Variants in GCN1 observed in about 807,000 individuals in gnomAD.
GCN1 encodes the protein stalled ribosome sensor GCN1.
In GCN1, 90 loss-of-function variants were observed where a neutral mutation model predicts 288.4. That is an observed-to-expected ratio of 0.31 (90% CI 0.26 to 0.37). The LOEUF (loss-of-function observed/expected upper bound fraction) is 0.37, where lower values mean the gene tolerates loss of function less well. Ranked by LOEUF, GCN1 falls within the 10% of genes least tolerant of loss-of-function variation. The pLI is 1.00. For synonymous variants in GCN1, 1,386 were observed against 1,420.2 expected (o/e 0.98, Z 0.54); for missense variants, 2,586 against 3,419.9 (o/e 0.76, Z 6.08).
chr12:120,127,669 G>T lies in GCN1; in HGVS notation c.*180C>A, dbSNP rs11554738. On this transcript the variant is annotated 3_prime_UTR_variant, in exon 58 of 58. Coordinates refer to ENST00000300648, the MANE Select transcript of GCN1 (RefSeq NM_006836.2). ...TCTCCACAGGAAAAGGTGAGAGATG[G>T]AGGAGGCAATTTTCAGTTGTGTGTG... 1 of 698,486 alleles carries T rather than the reference G, an allele frequency of 1.4e-6. No homozygotes were observed. The allele number at this position is 698,486 out of a possible 1,614,324, so 43.3% of individuals were successfully genotyped here.
At chr12:120,150,935 T>C (rs1219411218) in intron 34 of GCN1, among the ~76,000 whole-genome samples, 1 of 147,220 alleles carries the variant, frequency 6.8e-6, no homozygotes, top group Non-Finnish European at 1.5e-5. Context: ...AGACTCCGTC[T>C]CAAAAAAAAA....
intron 2 of GCN1, among the ~76,000 whole-genome samples, chr12:120,185,802 C>T (rs774479347): frequency 1.1e-4 from 17 of 152,082 alleles, no homozygotes; most frequent in Admixed American, 2.0e-4. Context: ...GGTTTCACCA[C>T]GTTGGCCATG....
At chr12:120,180,791 A>G (rs1594287531) in intron 5 of GCN1, among the ~76,000 whole-genome samples, 2 of 151,612 alleles carry the variant, frequency 1.3e-5, no homozygotes, top group Middle Eastern at 7.0e-3. Flanking sequence ...GATCGAGACC[A>G]TCCTGGCTAA....
rs1240989060 is a variant in GCN1, at chr12:120,171,466, C to CA, written c.1367-1146dup. 4.5e-3 allele frequency among the ~76,000 whole-genome samples: 671 copies of CA among 147,814 alleles called. 2 individuals are homozygous for CA. Among genetic ancestry groups the CA allele is most frequent in the African/African-American group, 0.015 (604 of 40,476 alleles). On this transcript the variant is annotated intron_variant, in intron 14 of 57. Transcript: ENST00000300648. ...TGGGTGACAGAGAGAAACTCCATCT[C>CA]AAAAAAAAAACTATAGCTCAAGCAC...
intron 20 of GCN1, 100 bp from the exon 21 acceptor site, chr12:120,162,158 T>C: frequency 2.1e-6 from 2 of 934,304 alleles, no homozygotes; most frequent in Middle Eastern, 3.4e-4. Flanking sequence ...CCCTTCTTTA[T>C]GCCACTGCCT....
At chr12:120,133,554 C>T (rs1876899926) in intron 53 of GCN1, among the ~76,000 whole-genome samples, 1 of 152,074 alleles carries the variant, frequency 6.6e-6, no homozygotes, top group African/African-American at 2.4e-5. Context: ...ACCATTTATC[C>T]CACTACACAC....
Position 120,163,130 on chromosome 12 carries a change from C to T in GCN1, c.1978G>A (p.Val660Ile), listed in dbSNP as rs1486667066. 13 of 1,614,122 alleles carry T rather than the reference C, an allele frequency of 8.1e-6. No homozygotes were observed. The highest frequency in any genetic ancestry group is 1.6e-4 in the Middle Eastern group (1 of 6,084). The change falls in exon 19 of 58, where the codon GTC becomes ATC. Residue 660 changes from valine (V) to isoleucine (I), a missense_variant. By Grantham distance (29) the Val-to-Ile change is conservative. Around this residue, in one of 8 missense-constraint regions of GCN1, gnomAD observed 913 missense variants for 1,107.0 expected, o/e 0.82. Transcript: ENST00000300648. ...TGGGCCAGTTGTTCAGTGTCGGTGA[C>T]ATCACCCTTGAGCCCTGGCACACCG... is the stretch of plus-strand genomic sequence containing the variant. ...ISGVPGLKGD[V>I]TDTEQLAQEM...
At chr12:120,159,280 TC>T (rs1221645290) in intron 24 of GCN1, among the ~76,000 whole-genome samples, 2 of 152,170 alleles carry the variant, frequency 1.3e-5, no homozygotes, top group East Asian at 3.9e-4. Context: ...AGCTGACTTT[TC>T]CACTCAGAAC....
intron 45 of GCN1, among the ~76,000 whole-genome samples, chr12:120,139,631 A>T (rs963015978): frequency 7.1e-6 from 1 of 140,600 alleles, no homozygotes; most frequent in Non-Finnish European, 1.5e-5. Context: ...CCGTCTCAAT[A>T]AAAAAAAAAA....
intron 57 of GCN1, 149 bp downstream of exon 57, chr12:120,129,127 C>A: frequency 1.4e-6 from 1 of 706,544 alleles, no homozygotes; most frequent in Non-Finnish European, 2.4e-6. Flanking sequence ...CCGCGCCCGG[C>A]CCCAGTCACC....
intron 53 of GCN1, among the ~76,000 whole-genome samples, chr12:120,133,217 G>T (rs1459224333): frequency 1.3e-5 from 2 of 152,170 alleles, no homozygotes; most frequent in South Asian, 2.1e-4. Context: ...GGGTGTGTGT[G>T]TGTGTCAATG....
chr12:120,178,782 G>A, intron 6 of GCN1, 23 bp from the exon 7 acceptor site: 1 of 1,614,194 alleles, frequency 6.2e-7, no homozygotes, highest in Non-Finnish European at 8.5e-7. Flanking sequence ...GTGCCAGGCA[G>A]GTGTTTAAGA....
chr12:120,177,456 C>T lies in GCN1; in HGVS notation c.829G>A (p.Val277Ile). Residue 277 changes from valine (V) to isoleucine (I), a missense_variant, in exon 9 of 58, where the codon GTT (valine) becomes ATT (isoleucine). Val to Ile is a conservative substitution (Grantham distance 29, BLOSUM62 3). Around this residue, in one of 8 missense-constraint regions of GCN1, gnomAD observed 913 missense variants for 1,107.0 expected, o/e 0.82. Coordinates refer to ENST00000300648, the MANE Select transcript of GCN1 (RefSeq NM_006836.2). ...QKSLLRSPEN[V>I]IETISSLLAS... The stretch of plus-strand genomic sequence containing the variant: ...GTTGACAGCAACCTACTTTCAATAA[C>T]ATTCTCTGGACTCCTCAGTAAGGAC... 6.4e-7 allele frequency: 1 copy of T among 1,554,554 alleles called. No homozygotes were observed. Among genetic ancestry groups the T allele is most frequent in the Non-Finnish European group, 8.9e-7 (1 of 1,126,324 alleles).
In GCN1 at chr12:120,134,254, G is replaced by T; in HGVS notation, c.7317+37C>A. ...CCTAAGGAGGAGGAGGGAAACCAGT[G>T]GTCCAGTGCTGCCACTAGTCCTGCC... On this transcript the variant is annotated intron_variant, in intron 53 of 57. Transcript: ENST00000300648. The surrounding 1 kb of genome is among the most constrained non-coding windows in gnomAD (Gnocchi z 5.0). 7.2e-7 allele frequency: 1 copy of T among 1,379,618 alleles called. No homozygotes were observed. 85.5% of individuals were successfully genotyped at this position (1,379,618 alleles called of 1,614,324 possible).
chr12:120,185,832 C>A (rs535436768), intron 2 of GCN1, among the ~76,000 whole-genome samples: 2 of 152,108 alleles, frequency 1.3e-5, no homozygotes, highest in African/African-American at 4.8e-5. Flanking sequence ...AACTTGTGAC[C>A]TTGTGATCCA....
intron 18 of GCN1, 119 bp downstream of exon 18, chr12:120,164,217 T>G (rs1878027156): frequency 1.3e-6 from 1 of 767,058 alleles, no homozygotes; most frequent in Admixed American, 2.5e-5. Context: ...CAGAAGATGC[T>G]GGCATCACAC....
chr12:120,163,034 G>T, intron 19 of GCN1, 36 bp downstream of exon 19: 1 of 1,613,426 alleles, frequency 6.2e-7, no homozygotes, highest in Non-Finnish European at 8.5e-7. Context: ...ATCCCCTAAA[G>T]CTCTGGGCTC....
chr12:120,164,468 C>T lies in GCN1; in HGVS notation c.1716G>A (p.Val572=). 6.2e-7 allele frequency: 1 copy of T among 1,614,092 alleles called. No individual in the cohort carries two copies. Among genetic ancestry groups the T allele is most frequent in the Non-Finnish European group, 8.5e-7 (1 of 1,179,974 alleles). The part of the protein sequence containing the change: ...VQQYHRALVA[V]LLSRTWHVRR... ...GGACGTGCCAGGTGCGGCTCAGGAG[C>T]ACCGCCACCAGAGCCCGGTGGTACT... Residue 572 remains valine (V), a synonymous_variant, in exon 18 of 58, where the codon GTG becomes GTA. Coordinates refer to ENST00000300648, the MANE Select transcript of GCN1 (RefSeq NM_006836.2).
rs376996119 is a variant in GCN1 at position 120,164,672 on chromosome 12, C to T, written c.1662G>A (p.Pro554=). ...HLTERLFLDH[P]HRLTGNKVQQ... ...GAACTTTGTTGCCAGTGAGTCTATGCGGGTGGTCAAGGAAAAGTCTCTCTG... is the reference window on the plus strand; with the variant it reads ...GAACTTTGTTGCCAGTGAGTCTATGTGGGTGGTCAAGGAAAAGTCTCTCTG... The change falls in exon 17 of 58, where the codon CCG becomes CCA. Residue 554 remains proline (P), a synonymous_variant. Transcript: ENST00000300648. 11 of 1,613,368 alleles carry T rather than the reference C, an allele frequency of 6.8e-6. No individual in the cohort carries two copies. The highest frequency in any genetic ancestry group is 4.0e-5 in the African/African-American group (3 of 74,864).
Sources: allele counts gnomAD v4.1 joint callset (sites outside exome capture counted in the v4.1 genomes callset), GRCh38; gene constraint gnomAD v4.1.1; regional missense constraint gnomAD v4.1.1; non-coding constraint Gnocchi (gnomAD v3.1); transcripts MANE v1.5; gene names NCBI Gene and HGNC (gene_info 2026-07-23, HGNC 2026-07-21).